The following LDLRAD3 variants were observed in gnomAD, a reference collection of about 807,000 sequenced individuals.
LDLRAD3 encodes the protein low density lipoprotein receptor class A domain containing 3.
In LDLRAD3, 20 loss-of-function variants were observed where a neutral mutation model predicts 29.4. The observed-to-expected ratio is 0.68, with a 90% confidence interval of 0.48 to 0.99. The LOEUF is 0.99. Ranked by LOEUF, LDLRAD3 falls within the 50% of genes least tolerant of loss-of-function variation. The pLI, the probability that LDLRAD3 is intolerant of heterozygous loss-of-function variation, is 0.00. For missense variants in LDLRAD3, 420 were observed against 454.3 expected (o/e 0.92, Z 0.69); for synonymous variants, 157 against 192.7 (o/e 0.81, Z 1.53).
At chr11:35,967,755 T>C (rs80192318) in intron 1 of LDLRAD3, 11,545 of 471,956 alleles carry the variant, frequency 0.024, 345 homozygotes, top group East Asian at 0.1. Context: ...AGGATGTCCT[T>C]GAGTTTTGGC....
At chr11:36,203,594 T>C (rs979156793) in intron 4 of LDLRAD3, among the ~76,000 whole-genome samples, 3 of 152,042 alleles carry the variant, frequency 2.0e-5, no homozygotes, top group Non-Finnish European at 4.4e-5. Context: ...GGAGTGCGAG[T>C]GTTGGACATC....
At chr11:35,993,352 G>A (rs983360390) in intron 1 of LDLRAD3, among the ~76,000 whole-genome samples, 1 of 152,168 alleles carries the variant, frequency 6.6e-6, no homozygotes, top group African/African-American at 2.4e-5. Context: ...TTTGCATTGA[G>A]CATAGTGTCT....
chr11:35,970,289 G>T (rs1160461668), intron 1 of LDLRAD3, among the ~76,000 whole-genome samples: 1 of 152,116 alleles, frequency 6.6e-6, no homozygotes, highest in East Asian at 1.9e-4. Context: ...GACTGGAGTG[G>T]GCCCTAATTC....
At chr11:36,027,745 G>T (rs1390854402) in intron 1 of LDLRAD3, among the ~76,000 whole-genome samples, 1 of 152,238 alleles carries the variant, frequency 6.6e-6, no homozygotes, top group Non-Finnish European at 1.5e-5. Context: ...GGCACAAGGG[G>T]CTGGGCTGAA....
chr11:36,202,485 T>A (rs1031326260), intron 4 of LDLRAD3, among the ~76,000 whole-genome samples: 1 of 152,316 alleles, frequency 6.6e-6, no homozygotes, highest in East Asian at 1.9e-4. Context: ...ATCTTCCTAG[T>A]CACCGAAGTT....
At chr11:36,190,546 A>G (rs1854925194) in intron 4 of LDLRAD3, among the ~76,000 whole-genome samples, 2 of 152,206 alleles carry the variant, frequency 1.3e-5, no homozygotes, top group African/African-American at 4.8e-5. Flanking sequence ...ATTTGAAGGT[A>G]TATCCCAGAA....
At chr11:36,047,450 C>G (rs868171429) in intron 2 of LDLRAD3, among the ~76,000 whole-genome samples, 2 of 152,226 alleles carry the variant, frequency 1.3e-5, no homozygotes, top group Middle Eastern at 6.8e-3. Context: ...ATTTAATTGG[C>G]AGAGTTGTTT....
At chr11:36,086,484 G>A (rs1015564326) in intron 3 of LDLRAD3, among the ~76,000 whole-genome samples, 10 of 152,168 alleles carry the variant, frequency 6.6e-5, no homozygotes, top group Non-Finnish European at 1.2e-4. Context: ...TCGTTTTCAC[G>A]CTGTTTTTGC....
chr11:36,210,030 G>C (rs1276183223), intron 4 of LDLRAD3, among the ~76,000 whole-genome samples: 1 of 152,166 alleles, frequency 6.6e-6, no homozygotes, highest in Non-Finnish European at 1.5e-5. Context: ...CTTACTTTTT[G>C]AATTTTGAAT....
chr11:36,110,077 T>A (rs1247357276), intron 4 of LDLRAD3: 1 of 152,246 alleles, frequency 6.6e-6, no homozygotes, highest in African/African-American at 2.4e-5. Context: ...AGAGGTTGAT[T>A]GCTGCCTTTG....
intron 1 of LDLRAD3, among the ~76,000 whole-genome samples, chr11:36,027,628 G>A (rs1852185053): frequency 6.6e-6 from 1 of 152,186 alleles, no homozygotes. Flanking sequence ...TGCTTAGTTG[G>A]CTTTGGTATT....
chr11:36,081,506 G>T, intron 2 of LDLRAD3, 147 bp from the exon 3 acceptor site: 1 of 1,026,918 alleles, frequency 9.7e-7, no homozygotes, highest in East Asian at 2.4e-5. Context: ...GGGTGTTTGA[G>T]GTGGGTGGTG....
At chr11:36,190,079 G>GA (rs1854918784) in intron 4 of LDLRAD3, among the ~76,000 whole-genome samples, 1 of 134,094 alleles carries the variant, frequency 7.5e-6, no homozygotes, top group Non-Finnish European at 1.6e-5. Context: ...GAGGGGGGAG[G>GA]GGAGGAGGAG....
chr11:36,037,669 G>A (rs1487820462), intron 2 of LDLRAD3, among the ~76,000 whole-genome samples: 3 of 152,090 alleles, frequency 2.0e-5, no homozygotes, highest in East Asian at 1.9e-4. Flanking sequence ...GTCTGTTGAC[G>A]CATGGGAACG....
intron 4 of LDLRAD3, among the ~76,000 whole-genome samples, chr11:36,131,436 G>A (rs1425343054): frequency 6.6e-6 from 1 of 152,140 alleles, no homozygotes; most frequent in Non-Finnish European, 1.5e-5. Flanking sequence ...GTCCTGGAAC[G>A]AGCCAGTTTG....
intron 4 of LDLRAD3, among the ~76,000 whole-genome samples, 172 bp downstream of exon 4, chr11:36,098,633 T>G (rs532216251): frequency 1.3e-5 from 2 of 152,256 alleles, no homozygotes; most frequent in Non-Finnish European, 2.9e-5. Flanking sequence ...TTACGTGGCT[T>G]TAACTACAAC....
intron 1 of LDLRAD3, among the ~76,000 whole-genome samples, chr11:36,026,936 T>C (rs959837609): frequency 2.0e-5 from 3 of 152,232 alleles, no homozygotes; most frequent in Non-Finnish European, 4.4e-5. Flanking sequence ...CTGCTTTGCC[T>C]ATGGAGTAGG....
intron 4 of LDLRAD3, among the ~76,000 whole-genome samples, chr11:36,177,879 G>A (rs889175993): frequency 2.0e-5 from 3 of 152,216 alleles, no homozygotes; most frequent in Non-Finnish European, 4.4e-5. Flanking sequence ...AGGTCGCCTG[G>A]ATAAGTATTT....
intron 4 of LDLRAD3, among the ~76,000 whole-genome samples, chr11:36,146,532 C>T (rs1264388721): frequency 6.6e-6 from 1 of 152,140 alleles, no homozygotes; most frequent in Non-Finnish European, 1.5e-5. Flanking sequence ...AAAAAACAGA[C>T]AGTTATTCTC....
Sources: allele counts gnomAD v4.1 joint callset (sites outside exome capture counted in the v4.1 genomes callset), GRCh38; gene constraint gnomAD v4.1.1; transcripts MANE v1.5; gene names NCBI Gene and HGNC (gene_info 2026-07-23, HGNC 2026-07-21).